Variants in LRP1B observed in about 807,000 individuals in gnomAD.
LRP1B encodes low-density lipoprotein receptor-related protein 1B.
LRP1B carries 217 observed loss-of-function variants against 556.6 expected under a neutral mutation model. The observed-to-expected ratio is 0.39, with a 90% confidence interval of 0.35 to 0.44. LRP1B has a LOEUF of 0.44. Ranked by LOEUF, LRP1B falls within the 20% of genes least tolerant of loss-of-function variation. LRP1B has a pLI of 1.00. For synonymous variants in LRP1B, 2,047 were observed against 1,865.8 expected (o/e 1.10, Z -2.50); for missense variants, 5,053 against 5,620.8 (o/e 0.90, Z 3.23).
chr2:142,076,087 G>C (rs543429202), intron 1 of LRP1B, among the ~76,000 whole-genome samples: 14 of 152,076 alleles, frequency 9.2e-5, no homozygotes, highest in Non-Finnish European at 1.5e-4. Flanking sequence ...ATAAAGCACT[G>C]ACAGGTTTTT....
chr2:142,128,132 T>C (rs1322528032), intron 1 of LRP1B, among the ~76,000 whole-genome samples: 2 of 152,154 alleles, frequency 1.3e-5, no homozygotes, highest in Admixed American at 1.3e-4. Context: ...AGTGCACGTA[T>C]ATGGTTTGAA....
At chr2:140,491,946 T>C (rs1052331098) in intron 57 of LRP1B, among the ~76,000 whole-genome samples, 4 of 152,118 alleles carry the variant, frequency 2.6e-5, no homozygotes, top group African/African-American at 7.2e-5. Context: ...AAAACACTGG[T>C]GAACTGGAGA....
At chr2:140,533,467 G>T (rs1393779328) in intron 47 of LRP1B, among the ~76,000 whole-genome samples, 1 of 152,046 alleles carries the variant, frequency 6.6e-6, no homozygotes, top group African/African-American at 2.4e-5. Context: ...ATGTTAAACA[G>T]TATTAGCATG....
chr2:140,930,208 G>A (rs964662959), intron 20 of LRP1B, among the ~76,000 whole-genome samples: 2 of 152,054 alleles, frequency 1.3e-5, no homozygotes, highest in South Asian at 4.1e-4. Flanking sequence ...TGTGCATGCT[G>A]TTTTGCTGTT....
intron 2 of LRP1B, among the ~76,000 whole-genome samples, chr2:141,589,424 T>C (rs1323585755): frequency 6.6e-6 from 1 of 152,138 alleles, no homozygotes; most frequent in African/African-American, 2.4e-5. Flanking sequence ...TATAGCTCGG[T>C]TCTTGTGATT....
At chr2:141,946,564 G>A (rs1700960429) in intron 1 of LRP1B, among the ~76,000 whole-genome samples, 1 of 152,136 alleles carries the variant, frequency 6.6e-6, no homozygotes, top group Non-Finnish European at 1.5e-5. Context: ...CTACAAGTTG[G>A]TGAACTGTAA....
At chr2:142,059,398 C>T (rs1378412774) in intron 1 of LRP1B, among the ~76,000 whole-genome samples, 1 of 152,086 alleles carries the variant, frequency 6.6e-6, no homozygotes. Flanking sequence ...CTTATATCCA[C>T]ATCCTATAAA....
At chr2:140,626,080 G>C (rs114378700) in intron 41 of LRP1B, among the ~76,000 whole-genome samples, 105 of 152,248 alleles carry the variant, frequency 6.9e-4, no homozygotes, top group African/African-American at 2.5e-3. Context: ...AAAAGACATA[G>C]AGAAAACTTA....
chr2:140,371,605 TA>T, intron 69 of LRP1B, among the ~76,000 whole-genome samples: 1 of 129,224 alleles, frequency 7.7e-6, no homozygotes, highest in South Asian at 2.5e-4. Context: ...TTTGAAGTGT[TA>T]CATGAGTTTT....
chr2:141,128,236 A>G (rs1017093442), intron 7 of LRP1B, among the ~76,000 whole-genome samples: 2 of 152,206 alleles, frequency 1.3e-5, no homozygotes, highest in African/African-American at 4.8e-5. Flanking sequence ...TATTTTTTGA[A>G]TAATTAATTT....
At chr2:141,793,182 G>A (rs1309176031) in intron 2 of LRP1B, among the ~76,000 whole-genome samples, 1 of 151,880 alleles carries the variant, frequency 6.6e-6, no homozygotes, top group Non-Finnish European at 1.5e-5. Context: ...CATGTTGCAT[G>A]CTTAATGAAA....
At chr2:141,782,704 A>G (rs981135065) in intron 2 of LRP1B, among the ~76,000 whole-genome samples, 2 of 152,040 alleles carry the variant, frequency 1.3e-5, no homozygotes, top group African/African-American at 4.8e-5. Context: ...AAACAAACAT[A>G]ACATATGTTC....
At chr2:140,890,477 C>T (rs934676438) in intron 23 of LRP1B, among the ~76,000 whole-genome samples, 1 of 152,058 alleles carries the variant, frequency 6.6e-6, no homozygotes, top group African/African-American at 2.4e-5. Context: ...TAAAACTGCT[C>T]ACAATCTTTT....
chr2:140,457,674 TA>T, intron 60 of LRP1B, 23 bp from the exon 61 acceptor site: 2 of 1,584,922 alleles, frequency 1.3e-6, no homozygotes, highest in Non-Finnish European at 1.7e-6. Flanking sequence ...ATGGTAAGAT[TA>T]ATGTTCAGTC....
chr2:140,715,101 A>G (rs764943944), intron 37 of LRP1B, among the ~76,000 whole-genome samples: 2 of 152,120 alleles, frequency 1.3e-5, no homozygotes, highest in Non-Finnish European at 2.9e-5. Context: ...GAAGACCAAC[A>G]GAGATTGATT....
At chr2:141,038,380 T>C (rs934782952) in intron 11 of LRP1B, among the ~76,000 whole-genome samples, 1 of 84,550 alleles carries the variant, frequency 1.2e-5, no homozygotes, top group Non-Finnish European at 3.6e-5. Context: ...CTGACAGTTC[T>C]GTCTACTACT....
intron 66 of LRP1B, among the ~76,000 whole-genome samples, chr2:140,395,026 C>G (rs957202475): frequency 1.3e-5 from 2 of 152,156 alleles, no homozygotes; most frequent in African/African-American, 2.4e-5. Context: ...CTATCCACTC[C>G]TTGTAATCAA....
chr2:141,060,849 G>GT (rs1444903967), intron 8 of LRP1B, among the ~76,000 whole-genome samples: 1 of 151,594 alleles, frequency 6.6e-6, no homozygotes, highest in African/African-American at 2.4e-5. Context: ...TTCAAAAACT[G>GT]TATCTATGTT....
chr2:140,904,001 A>G (rs1694178772), intron 22 of LRP1B, among the ~76,000 whole-genome samples: 1 of 152,102 alleles, frequency 6.6e-6, no homozygotes, highest in African/African-American at 2.4e-5. Flanking sequence ...TAGCATTTAA[A>G]TATACAGCTG....
Sources: allele counts gnomAD v4.1 joint callset (sites outside exome capture counted in the v4.1 genomes callset), GRCh38; gene constraint gnomAD v4.1.1; transcripts MANE v1.5; gene names NCBI Gene and HGNC (gene_info 2026-07-23, HGNC 2026-07-21).